The following CTDSPL2 variants were observed in gnomAD, a reference collection of about 807,000 sequenced individuals.
CTDSPL2 encodes CTD small phosphatase like 2, also known as CTD small phosphatase-like protein 2.
In CTDSPL2, 5 loss-of-function variants were observed where a neutral mutation model predicts 60.0. The observed-to-expected ratio is 0.08, with a 90% CI of 0.04 to 0.18. CTDSPL2 has a LOEUF of 0.18. CTDSPL2 is among the 10% of genes least tolerant of loss of function. The pLI is 1.00. For synonymous variants in CTDSPL2, 186 were observed against 189.3 expected (o/e 0.98, Z 0.14); for missense variants, 370 against 548.8 (o/e 0.67, Z 3.26).
In CTDSPL2 at chr15:44,526,127, T is replaced by G. The variant is rs1037795220; in HGVS notation, c.*1953T>G. On this transcript the variant is annotated 3_prime_UTR_variant, in exon 13 of 13. Coordinates refer to ENST00000260327, the MANE Select transcript of CTDSPL2 (RefSeq NM_016396.3). ...TATCTTTAGGGCATCTGGGCATCTT[T>G]ATGCTGTTTGTCTTCTGTCTTTCTT... The G allele has an allele frequency of 1.6e-4, 24 of 152,208 alleles. No individual in the cohort carries two copies. The highest frequency in any genetic ancestry group is 5.5e-4 in the African/African-American group (23 of 41,462). The allele number at this position is 152,208 out of a possible 1,614,324, so 9.4% of individuals were successfully genotyped here.
At chr15:44,434,687 A>G (rs1406633854) in intron 1 of CTDSPL2, among the ~76,000 whole-genome samples, 3 of 151,876 alleles carry the variant, frequency 2.0e-5, no homozygotes, top group Non-Finnish European at 4.4e-5. Flanking sequence ...TGAGTGAGTC[A>G]CTGTGCCCGG....
At chr15:44,488,519 A>G (rs899276353) in intron 4 of CTDSPL2, among the ~76,000 whole-genome samples, 27 of 152,182 alleles carry the variant, frequency 1.8e-4, no homozygotes, top group Admixed American at 1.7e-3. Context: ...ATATTTAAAT[A>G]AAAATATTCA....
Position 44,525,322 on chromosome 15 carries a change from A to T in CTDSPL2, c.*1148A>T, listed in dbSNP as rs186854637. The T allele has an allele frequency of 3.0e-4, 120 of 398,546 alleles. No homozygotes were observed. The highest frequency in any genetic ancestry group is 2.3e-3 in the African/African-American group (110 of 48,748). The allele number at this position is 398,546 out of a possible 1,614,324, so 24.7% of individuals were successfully genotyped here. A position where few individuals can be genotyped will look rare whatever the true frequency, so the allele number is the denominator to read the frequency against. ...ACCAATGCAGTTAATATGCTCTCAT[A>T]GTGGTTTTTCTATGCTATATGAAAA... On this transcript the variant is annotated 3_prime_UTR_variant, in exon 13 of 13. Transcript: ENST00000260327.
chr15:44,436,173 C>T (rs1239271869), intron 1 of CTDSPL2, among the ~76,000 whole-genome samples: 1 of 152,120 alleles, frequency 6.6e-6, no homozygotes, highest in Non-Finnish European at 1.5e-5. Flanking sequence ...AGGGCAATGA[C>T]TTTAGCTTTT....
intron 2 of CTDSPL2, among the ~76,000 whole-genome samples, chr15:44,459,666 G>C (rs2080522975): frequency 6.6e-6 from 1 of 152,134 alleles, no homozygotes; most frequent in Admixed American, 6.6e-5. Context: ...AGTTTAAGAA[G>C]AACATTATTC....
chr15:44,465,053 G>T (rs902275455), intron 2 of CTDSPL2, among the ~76,000 whole-genome samples: 1 of 152,074 alleles, frequency 6.6e-6, no homozygotes, highest in African/African-American at 2.4e-5. Flanking sequence ...CTTCAAATAC[G>T]GTCACGTTCT....
At chr15:44,450,032 A>G (rs778323668) in intron 1 of CTDSPL2, among the ~76,000 whole-genome samples, 4 of 152,094 alleles carry the variant, frequency 2.6e-5, no homozygotes, top group Non-Finnish European at 4.4e-5. Flanking sequence ...GCATTATGAA[A>G]TAATGATCCT....
Position 44,490,976 on chromosome 15 carries a change from A to G in CTDSPL2, c.668A>G (p.Asn223Ser), listed in dbSNP as rs143796729. The change falls in exon 5 of 13, where the codon AAT becomes AGT. Residue 223 changes from asparagine to serine, a missense_variant. Around this residue, in one of 6 missense-constraint regions of CTDSPL2, gnomAD observed 287 missense variants for 296.1 expected, o/e 0.97. Coordinates refer to ENST00000260327, the MANE Select transcript of CTDSPL2 (RefSeq NM_016396.3). ...NGLEEAEETV[N>S]RDIPPLTAPV... ...TTAGAAGAAGCAGAAGAAACAGTTA[A>G]TCGTGATATCCCACCCCTTACAGGT... 492 of 1,614,066 alleles carry G rather than the reference A, an allele frequency of 3.0e-4. 8 individuals are homozygous for G. The East Asian group carries it at 0.011, about 35-fold the overall frequency.
intron 8 of CTDSPL2, among the ~76,000 whole-genome samples, chr15:44,502,693 A>C (rs774878672): frequency 6.6e-5 from 10 of 152,246 alleles, no homozygotes; most frequent in African/African-American, 1.4e-4. Flanking sequence ...GAGAGTATAT[A>C]CAGTAAATTT....
intron 1 of CTDSPL2, among the ~76,000 whole-genome samples, chr15:44,444,459 C>T (rs1398868166): frequency 6.6e-6 from 1 of 152,020 alleles, no homozygotes; most frequent in Non-Finnish European, 1.5e-5. Context: ...ATCCTGCCAC[C>T]TCAGCCTCCC....
chr15:44,442,494 T>G (rs935327658), intron 1 of CTDSPL2, among the ~76,000 whole-genome samples: 1 of 151,192 alleles, frequency 6.6e-6, no homozygotes, highest in Non-Finnish European at 1.5e-5. Context: ...GGAATTAAGA[T>G]GAAGTATTTT....
chr15:44,448,295 C>A lies in CTDSPL2; in HGVS notation c.-24-10696C>A. On this transcript the variant is annotated intron_variant, in intron 1 of 12. Coordinates refer to ENST00000260327, the MANE Select transcript of CTDSPL2 (RefSeq NM_016396.3). ...TGCTGGATGCTAGAGGCCATTTGGT[C>A]AAGGCCCAGCAGGCCCATGCGCTCC... 1.1e-5 allele frequency: 3 copies of A among 274,640 alleles called. No individual in the cohort carries two copies. In the South Asian group the frequency reaches 1.1e-4, roughly 10 times the overall value. 17.0% of individuals were successfully genotyped at this position (274,640 alleles called of 1,614,324 possible).
chr15:44,442,802 C>T (rs182085654), intron 1 of CTDSPL2, among the ~76,000 whole-genome samples: 147 of 152,012 alleles, frequency 9.7e-4, no homozygotes, highest in African/African-American at 3.4e-3. Context: ...ATAGTGGTAC[C>T]CCAGCTCTAC....
intron 8 of CTDSPL2, among the ~76,000 whole-genome samples, chr15:44,511,254 C>T (rs1309376613): frequency 6.6e-6 from 1 of 152,168 alleles, no homozygotes; most frequent in East Asian, 1.9e-4. Context: ...CCTCTTATCC[C>T]CAGTAAACAA....
chr15:44,502,216 GTAT>G, intron 8 of CTDSPL2, among the ~76,000 whole-genome samples: 1 of 151,882 alleles, frequency 6.6e-6, no homozygotes, highest in Non-Finnish European at 1.5e-5. Context: ...GCGTGTATCT[GTAT>G]TATTCTTGAA....
At chr15:44,478,925 C>T (rs2080973050) in intron 2 of CTDSPL2, among the ~76,000 whole-genome samples, 3 of 152,252 alleles carry the variant, frequency 2.0e-5, no homozygotes, top group Admixed American at 2.0e-4. Context: ...CCACTGACTG[C>T]ACTTTAGCCT....
At chr15:44,487,257 T>A (rs1045365403) in intron 4 of CTDSPL2, among the ~76,000 whole-genome samples, 1 of 152,034 alleles carries the variant, frequency 6.6e-6, no homozygotes, top group South Asian at 2.1e-4. Flanking sequence ...AGTTTGAGAC[T>A]AGCCTGGGCA....
intron 1 of CTDSPL2, among the ~76,000 whole-genome samples, chr15:44,451,713 A>C (rs1214883977): frequency 6.6e-6 from 1 of 152,168 alleles, no homozygotes; most frequent in South Asian, 2.1e-4. Flanking sequence ...CTCCCGTCAA[A>C]AGTTGTTGGT....
Position 44,460,424 on chromosome 15 carries a change from T to G in CTDSPL2, c.186+1224T>G, listed in dbSNP as rs149063948. Among the ~76,000 whole-genome samples, 120 of 152,302 alleles carry G rather than the reference T, an allele frequency of 7.9e-4. 1 individual carries two copies. The highest frequency in any genetic ancestry group is 2.7e-3 in the African/African-American group (113 of 41,566). ...CGCCCGGCCTCAGTTTGATCACCTT[T>G]AATGCACTCTATCAATGTATAGTAT... On this transcript the variant is annotated intron_variant, in intron 2 of 12. Coordinates refer to ENST00000260327, the MANE Select transcript of CTDSPL2 (RefSeq NM_016396.3).
Sources: gnomAD v4.1 joint callset for allele counts (sites outside exome capture counted in the v4.1 genomes callset) on GRCh38, gnomAD v4.1.1 for gene constraint, gnomAD v4.1.1 regional missense constraint, MANE v1.5 for transcripts, NCBI Gene and HGNC (gene_info 2026-07-23, HGNC 2026-07-21) for gene names.